The following TMEM132D variants were observed in gnomAD, a reference collection of about 807,000 sequenced individuals.
The protein encoded by TMEM132D is mature OL transmembrane protein.
In TMEM132D, 21 loss-of-function variants were observed where a neutral mutation model predicts 62.3. The ratio of observed to expected loss-of-function variants is 0.34; its 90% CI spans 0.24 to 0.49. The LOEUF (loss-of-function observed/expected upper bound fraction) is 0.49, where lower values mean the gene tolerates loss of function less well. TMEM132D is among the 20% of genes least tolerant of loss of function. The pLI is 0.99. For synonymous variants in TMEM132D, 621 were observed against 575.6 expected (o/e 1.08, Z -1.13); for missense variants, 1,346 against 1,402.8 (o/e 0.96, Z 0.65).
intron 1 of TMEM132D, among the ~76,000 whole-genome samples, chr12:129,741,098 G>A (rs1196408361): frequency 6.6e-6 from 1 of 152,138 alleles, no homozygotes; most frequent in Non-Finnish European, 1.5e-5. Flanking sequence ...TTCCCCATGT[G>A]GCATGGCACA....
chr12:129,599,822 A>G (rs774255021), intron 2 of TMEM132D, among the ~76,000 whole-genome samples: 4 of 152,214 alleles, frequency 2.6e-5, no homozygotes, highest in Non-Finnish European at 5.9e-5. Context: ...ACATGCTTCA[A>G]TTTAAAAATA....
intron 2 of TMEM132D, among the ~76,000 whole-genome samples, chr12:129,676,556 T>C (rs1042282455): frequency 7.2e-5 from 11 of 152,186 alleles, no homozygotes; most frequent in African/African-American, 2.4e-4. Context: ...GGAGCCAGTG[T>C]TTCACATGGC....
At chr12:129,732,387 T>C (rs1416755592) in intron 1 of TMEM132D, among the ~76,000 whole-genome samples, 2 of 152,088 alleles carry the variant, frequency 1.3e-5, no homozygotes, top group African/African-American at 4.8e-5. Context: ...AGTTTAAACA[T>C]TTGTCCCCAC....
In TMEM132D at chr12:129,819,751, G is replaced by A. The variant is rs532211830; in HGVS notation, c.79+83510C>T. Among the ~76,000 whole-genome samples the A allele has an allele frequency of 2.6e-5, 4 of 152,100 alleles. No homozygotes were observed. In the South Asian group the frequency reaches 8.3e-4, roughly 32 times the overall value. On this transcript the variant is annotated intron_variant, in intron 1 of 8. Transcript: ENST00000422113. ...ACTGCTGTTCGTGTTATTATTCCTA[G>A]TACCAGCACTATGGCCTGCTACTAT...
At chr12:129,428,647 A>G (rs11613346) in intron 3 of TMEM132D, among the ~76,000 whole-genome samples, 1 of 152,114 alleles carries the variant, frequency 6.6e-6, no homozygotes, top group Non-Finnish European at 1.5e-5. Context: ...TCAATTTTAC[A>G]TATTCATGGT....
intron 3 of TMEM132D, among the ~76,000 whole-genome samples, chr12:129,380,894 C>T (rs1870930431): frequency 6.6e-6 from 1 of 152,176 alleles, no homozygotes; most frequent in Non-Finnish European, 1.5e-5. Context: ...CTGTTGCATA[C>T]ATCATTAGTT....
At chr12:129,678,136 A>G (rs1445702936) in intron 2 of TMEM132D, among the ~76,000 whole-genome samples, 4 of 152,020 alleles carry the variant, frequency 2.6e-5, no homozygotes, top group African/African-American at 9.7e-5. Context: ...ACGAATATTT[A>G]AGTATATCTT....
intron 2 of TMEM132D, among the ~76,000 whole-genome samples, chr12:129,643,406 G>T (rs373306091): frequency 1.6e-3 from 243 of 152,280 alleles, no homozygotes; most frequent in African/African-American, 5.6e-3. Context: ...ACACAGCCGT[G>T]CCTATGTGCT....
At chr12:129,677,827 TTG>T (rs71082746) in intron 2 of TMEM132D, among the ~76,000 whole-genome samples, 15,189 of 108,394 alleles carry the variant, frequency 0.14, 838 homozygotes, top group South Asian at 0.25. Flanking sequence ...TCTAGTGATT[TTG>T]TCTTTTTTTT....
rs560799641 is a variant in TMEM132D, at chr12:129,223,480, C to T, written c.1300-13817G>A. On this transcript the variant is annotated intron_variant, in intron 4 of 8. Coordinates refer to ENST00000422113, the MANE Select transcript of TMEM132D (RefSeq NM_133448.3). ...AATGCAGAGGCTTTTCAGAGGACCACGTAGACTCTACCTTGCTGCACTCAA... is the reference window on the plus strand; with the variant it reads ...AATGCAGAGGCTTTTCAGAGGACCATGTAGACTCTACCTTGCTGCACTCAA... Among the ~76,000 whole-genome samples the T allele has an allele frequency of 3.9e-5, 6 of 152,244 alleles. No homozygotes were observed. The East Asian group carries it at 9.8e-4, about 25-fold the overall frequency.
intron 1 of TMEM132D, among the ~76,000 whole-genome samples, chr12:129,743,303 TGG>T (rs577260802): frequency 1.4e-3 from 215 of 152,306 alleles, no homozygotes; most frequent in Non-Finnish European, 2.6e-3. Context: ...CCACGTGCTG[TGG>T]GAGGGACCCA....
chr12:129,152,786 G>A (rs1345016780), intron 5 of TMEM132D, among the ~76,000 whole-genome samples: 7 of 152,248 alleles, frequency 4.6e-5, no homozygotes, highest in South Asian at 2.1e-4. Flanking sequence ...CCCCTGCTCC[G>A]CTCTGAATCC....
chr12:129,703,754 C>T (rs1881438394), intron 1 of TMEM132D, among the ~76,000 whole-genome samples: 1 of 152,148 alleles, frequency 6.6e-6, no homozygotes, highest in Admixed American at 6.5e-5. Flanking sequence ...CTTGAAGCAA[C>T]TCAGTGGTCT....
intron 4 of TMEM132D, among the ~76,000 whole-genome samples, chr12:129,248,825 A>T (rs868775767): frequency 6.6e-6 from 1 of 152,194 alleles, no homozygotes; most frequent in African/African-American, 2.4e-5. Flanking sequence ...ATACTTTGCT[A>T]TAAGGATAAC....
intron 2 of TMEM132D, among the ~76,000 whole-genome samples, chr12:129,687,567 G>C (rs1333731533): frequency 6.6e-6 from 1 of 152,012 alleles, no homozygotes; most frequent in Non-Finnish European, 1.5e-5. Context: ...CAACCAGGGG[G>C]GTGAAAATGT....
intron 4 of TMEM132D, among the ~76,000 whole-genome samples, chr12:129,308,862 A>G (rs1190149556): frequency 6.6e-6 from 1 of 152,236 alleles, no homozygotes; most frequent in Non-Finnish European, 1.5e-5. Context: ...GAAGAGGTAA[A>G]TAGTAGCTGC....
chr12:129,343,193 T>C (rs1869555279), intron 3 of TMEM132D, among the ~76,000 whole-genome samples: 1 of 152,124 alleles, frequency 6.6e-6, no homozygotes, highest in South Asian at 2.1e-4. Flanking sequence ...CCAACAATGA[T>C]AGACTGGATT....
intron 1 of TMEM132D, among the ~76,000 whole-genome samples, chr12:129,789,222 C>T (rs1871331112): frequency 6.6e-6 from 1 of 152,036 alleles, no homozygotes; most frequent in Non-Finnish European, 1.5e-5. Context: ...CTCGTCCCAC[C>T]CATCCCCCCG....
At chr12:129,713,811 C>G (rs1217841074) in intron 1 of TMEM132D, among the ~76,000 whole-genome samples, 2 of 152,202 alleles carry the variant, frequency 1.3e-5, no homozygotes, top group African/African-American at 4.8e-5. Flanking sequence ...GGCCCCACCC[C>G]CAGAGCTTCT....
Sources: allele counts gnomAD v4.1 joint callset (sites outside exome capture counted in the v4.1 genomes callset), GRCh38; gene constraint gnomAD v4.1.1; transcripts MANE v1.5; gene names NCBI Gene and HGNC (gene_info 2026-07-23, HGNC 2026-07-21).